CYRIB: variants seen among roughly 807,000 people sequenced by gnomAD.
CYRIB encodes the protein CYFIP related Rac1 interactor B.
A neutral mutation model predicts 44.2 loss-of-function variants in CYRIB; 8 were observed. That is an observed-to-expected ratio of 0.18 (90% CI 0.11 to 0.33). CYRIB has a LOEUF of 0.33. Among genes scored for constraint, CYRIB ranks in the 10% least tolerant of loss-of-function variants. CYRIB has a pLI of 1.00. For synonymous variants in CYRIB, 131 were observed against 127.2 expected, an observed-to-expected ratio of 1.03 and a Z score of -0.20; for missense variants, 185 against 382.8, an observed-to-expected ratio of 0.48 and a Z score of 4.31.
At chr8:129,886,438 A>G (rs538194866) in intron 2 of CYRIB, among the ~76,000 whole-genome samples, 132 of 152,160 alleles carry the variant, frequency 8.7e-4, no homozygotes, top group Non-Finnish European at 1.0e-3. Context: ...GCATAAATAC[A>G]TTTATTTCTT....
Position 130,016,418 on chromosome 8 carries a change from C to A in CYRIB, c.-344G>T. On this transcript the variant is annotated 5_prime_UTR_variant, in exon 1 of 15. In the 5' UTR this introduces an upstream ATG that the reference lacks. Coordinates refer to the CYRIB transcript ENST00000401979. ...GAGCGCGGCGCGGGAGCGCAGGAGC[C>A]TCGGAGCCTCCGGTGCCGCCGCCGC... is the stretch of plus-strand genomic sequence containing the variant. The A allele has an allele frequency of 6.7e-6, 1 of 149,964 alleles. No homozygotes were observed. The highest frequency in any genetic ancestry group is 1.8e-4 in the South Asian group (1 of 5,414). 9.3% of individuals were successfully genotyped at this position (149,964 alleles called of 1,614,324 possible).
At chr8:130,015,627 T>C (rs974315986) in intron 1 of CYRIB, among the ~76,000 whole-genome samples, 34 of 152,200 alleles carry the variant, frequency 2.2e-4, no homozygotes, top group Middle Eastern at 3.4e-3. Context: ...AGACCTCGAT[T>C]CCTCCTTCGT....
Position 129,925,215 on chromosome 8 carries a change from T to G in CYRIB, c.-50+14393A>C, listed in dbSNP as rs184329847. 4.5e-4 allele frequency among the ~76,000 whole-genome samples: 69 copies of G among 152,058 alleles called. No homozygotes were observed. The South Asian group carries it at 1.0e-2, about 22-fold the overall frequency. On this transcript the variant is annotated intron_variant, in intron 1 of 11. Coordinates refer to ENST00000519824, the Ensembl canonical transcript of CYRIB. ...GAGTTCTAGACCAGCCTGGCCAACA[T>G]GGTGAAACCCCGCCTCTACTAAAAA...
At chr8:129,960,107 TCTAA>T in intron 2 of CYRIB, among the ~76,000 whole-genome samples, 1 of 152,332 alleles carries the variant, frequency 6.6e-6, no homozygotes, top group Non-Finnish European at 1.5e-5. Context: ...ATTCAAAGCA[TCTAA>T]CTGATACATC....
chr8:129,917,126 T>C (rs79733792), intron 1 of CYRIB, among the ~76,000 whole-genome samples: 10,926 of 152,308 alleles, frequency 0.072, 508 homozygotes, highest in Non-Finnish European at 0.1. Context: ...ATCCACCATG[T>C]GGCAGATATT....
intron 2 of CYRIB, among the ~76,000 whole-genome samples, chr8:129,954,175 C>T (rs2094658057): frequency 6.6e-6 from 1 of 152,108 alleles, no homozygotes. Context: ...AACCCACAGA[C>T]TTGGAGAAAA....
At chr8:129,992,400 G>C (rs2096660595) in intron 1 of CYRIB, among the ~76,000 whole-genome samples, 1 of 152,224 alleles carries the variant, frequency 6.6e-6, no homozygotes, top group Non-Finnish European at 1.5e-5. Flanking sequence ...CTGCCCACTT[G>C]TCAGAGCAAG....
intron 1 of CYRIB, among the ~76,000 whole-genome samples, chr8:129,976,976 G>A (rs2095957383): frequency 6.6e-6 from 1 of 152,054 alleles, no homozygotes; most frequent in Non-Finnish European, 1.5e-5. Flanking sequence ...CAAGTAGCTG[G>A]GATTACAGGC....
intron 2 of CYRIB, among the ~76,000 whole-genome samples, chr8:129,892,687 CTAT>C: frequency 6.6e-6 from 1 of 152,264 alleles, no homozygotes; most frequent in East Asian, 1.9e-4. Context: ...GTGTAAACTA[CTAT>C]GAGAAGTTTG....
intron 2 of CYRIB, among the ~76,000 whole-genome samples, chr8:129,883,405 G>C (rs913316917): frequency 4.6e-5 from 7 of 151,936 alleles, no homozygotes; most frequent in African/African-American, 1.7e-4. Context: ...GCAAAAATTC[G>C]CTCTACCACA....
At chr8:129,986,507 G>A (rs1045433713) in intron 1 of CYRIB, among the ~76,000 whole-genome samples, 5 of 152,194 alleles carry the variant, frequency 3.3e-5, no homozygotes, top group African/African-American at 9.6e-5. Flanking sequence ...CTCTGCCCTC[G>A]TGAATGGATT....
At chr8:129,892,213 G>A (rs1241544207) in intron 2 of CYRIB, among the ~76,000 whole-genome samples, 1 of 152,024 alleles carries the variant, frequency 6.6e-6, no homozygotes, top group Non-Finnish European at 1.5e-5. Context: ...AAAGGCTCAA[G>A]GCAAGTAATA....
At chr8:129,908,833 A>G (rs1009937729) in intron 1 of CYRIB, among the ~76,000 whole-genome samples, 1 of 152,108 alleles carries the variant, frequency 6.6e-6, no homozygotes, top group African/African-American at 2.4e-5. Context: ...CTAGAACTAC[A>G]TTTTCTATAT....
At chr8:129,939,988 A>T (rs1172545018), upstream of CYRIB, 2 of 152,320 alleles carry the variant, frequency 1.3e-5, no homozygotes, top group Non-Finnish European at 2.9e-5. Flanking sequence ...GAAGCCAGAG[A>T]CAGGTGGTCG....
At chr8:129,957,441 T>C (rs1208104390) in intron 2 of CYRIB, among the ~76,000 whole-genome samples, 2 of 152,210 alleles carry the variant, frequency 1.3e-5, no homozygotes, top group African/African-American at 4.8e-5. Flanking sequence ...TCATCAGTAA[T>C]AACCTAGAAG....
intron 2 of CYRIB, among the ~76,000 whole-genome samples, chr8:129,969,999 G>A (rs553215024): frequency 2.0e-5 from 3 of 152,280 alleles, no homozygotes; most frequent in East Asian, 3.9e-4. Flanking sequence ...GTTGACAGAC[G>A]TCAGAATAGT....
intron 2 of CYRIB, among the ~76,000 whole-genome samples, chr8:129,893,616 T>A (rs2066451997): frequency 6.6e-6 from 1 of 152,232 alleles, no homozygotes; most frequent in South Asian, 2.1e-4. Context: ...GATGGGCTAC[T>A]TTTTTGTGTG....
At chr8:129,915,007 A>T (rs1054126845) in intron 1 of CYRIB, among the ~76,000 whole-genome samples, 1 of 152,108 alleles carries the variant, frequency 6.6e-6, no homozygotes, top group Non-Finnish European at 1.5e-5. Context: ...CCAGATGGCT[A>T]AAAAAATACT....
intron 1 of CYRIB, among the ~76,000 whole-genome samples, chr8:129,910,774 C>T (rs2077576534): frequency 6.6e-6 from 1 of 152,162 alleles, no homozygotes; most frequent in African/African-American, 2.4e-5. Context: ...CCAACATGGG[C>T]AACAGAGCAA....
Sources: allele counts gnomAD v4.1 joint callset (sites outside exome capture counted in the v4.1 genomes callset), GRCh38; gene constraint gnomAD v4.1.1; transcripts MANE v1.5; gene names NCBI Gene and HGNC (gene_info 2026-07-23, HGNC 2026-07-21).